LRRC34: variants seen among roughly 807,000 people sequenced by gnomAD.
LRRC34 encodes the protein leucine-rich repeat-containing protein 34.
Under a neutral mutation model 48.5 loss-of-function variants are expected in LRRC34, and 44 were observed. That is an observed-to-expected ratio of 0.91 (90% confidence interval 0.71 to 1.17). The LOEUF (loss-of-function observed/expected upper bound fraction) is 1.17, where lower values mean the gene tolerates loss of function less well. Among genes scored for constraint, LRRC34 ranks in the 50% most tolerant of loss-of-function variants. The probability of loss-of-function intolerance (pLI) is 0.00; values close to 1 mark genes in which losing one functional copy is unlikely to be tolerated. For missense variants in LRRC34, 502 were observed against 563.0 expected, an observed-to-expected ratio of 0.89 and a Z score of 1.10; for synonymous variants, 192 against 197.6, an observed-to-expected ratio of 0.97 and a Z score of 0.24.
chr3:169,807,356 A>ATG, intron 4 of LRRC34, 70 bp downstream of exon 4: 1 of 1,381,672 alleles, frequency 7.2e-7, no homozygotes, highest in East Asian at 2.3e-5. Flanking sequence ...CTAGTGTTTT[A>ATG]TGTGTGTGTC....
rs1779159231 is a variant in LRRC34, at chr3:169,800,703, T to C, written c.709A>G (p.Ile237Val). The C allele has an allele frequency of 1.3e-6, 2 of 1,535,340 alleles. No individual in the cohort carries two copies. The highest frequency in any genetic ancestry group is 1.2e-5 in the South Asian group (1 of 84,006). The part of the protein sequence containing the change: ...FATVLTQNQA[I>V]KAINLNRPIL... ...GGTCGGTTTAGGTTTATTGCCTTAA[T>C]TGCTTGGTTTTGAGTTAGTACTGTA... The change falls in exon 7 of 11, where the codon ATT becomes GTT. Residue 237 changes from isoleucine to valine, a missense_variant. Physicochemically the swap from Ile to Val is conservative, Grantham distance 29. Transcript: ENST00000446859.
intron 7 of LRRC34, among the ~76,000 whole-genome samples, chr3:169,797,610 T>A (rs980314903): frequency 2.6e-5 from 4 of 152,216 alleles, no homozygotes; most frequent in Non-Finnish European, 1.5e-5. Context: ...TGACAAGAAG[T>A]ACTCTTGCAT....
At chr3:169,810,885 T>C (rs1028834392) in intron 1 of LRRC34, among the ~76,000 whole-genome samples, 1 of 152,166 alleles carries the variant, frequency 6.6e-6, no homozygotes, top group Non-Finnish European at 1.5e-5. Context: ...GCCAATATGG[T>C]GAAACCCTAT....
rs576363713 is a variant in LRRC34 at position 169,801,603 on chromosome 3, A to T, written c.658-849T>A. On this transcript the variant is annotated intron_variant, in intron 6 of 10. Coordinates refer to ENST00000446859, the MANE Select transcript of LRRC34 (RefSeq NM_001172779.2). ...AATACAACCCCCACTTCTTCCCCTT[A>T]CCTGTGACCCACAACCCACACAACT... Among the ~76,000 whole-genome samples, 203 of 151,998 alleles carry T rather than the reference A, an allele frequency of 1.3e-3. 2 individuals carry two copies. Among genetic ancestry groups the T allele is most frequent in the Non-Finnish European group, 1.7e-3 (118 of 67,938 alleles).
chr3:169,803,747 T>C (rs191206760), intron 6 of LRRC34, among the ~76,000 whole-genome samples: 2 of 152,320 alleles, frequency 1.3e-5, no homozygotes, highest in East Asian at 3.9e-4. Flanking sequence ...TTTTCAAAAG[T>C]AAAAAATTAT....
In LRRC34 at chr3:169,796,834, CA is replaced by C; in HGVS notation, c.818del (p.Met273SerfsTer6). 1.2e-6 allele frequency: 2 copies of C among 1,611,014 alleles called. No homozygotes were observed. Among genetic ancestry groups the C allele is most frequent in the Non-Finnish European group, 1.7e-6 (2 of 1,178,772 alleles). The part of the protein sequence containing the change: ...KENHCLVALH[M>X]CKHDIKNSGI... ...CACTGTTTTTTATATCATGCTTACA[CA>C]TGTGTAGTGCAACAAGACAGTGATT... On this transcript the variant is annotated frameshift_variant, in exon 8 of 11. Transcript: ENST00000446859. LOFTEE classifies it high-confidence loss of function.
At position 169,796,219 on chromosome 3, in the gene LRRC34, A is replaced by G; in HGVS notation, c.1059T>C (p.Leu353=). 1 of 1,600,934 alleles carries G rather than the reference A, an allele frequency of 6.2e-7. No individual in the cohort carries two copies. The highest frequency in any genetic ancestry group is 1.8e-5 in the Admixed American group (1 of 55,908). ...AAATATAAAACCATACTAACGCTTT[A>G]AGACTCCTGTTGTGTGAAGTAAGAG... ...SETLTSHNRS[L]KALSVVSNNI... Residue 353 remains leucine, a synonymous_variant, in exon 9 of 11, where the codon CTT becomes CTC. Transcript: ENST00000446859.
intron 6 of LRRC34, 175 bp downstream of exon 6, chr3:169,803,878 T>C (rs950193838): frequency 4.6e-6 from 2 of 434,358 alleles, no homozygotes; most frequent in African/African-American, 4.1e-5. Context: ...TATTTTTCTA[T>C]GTTATTTACT....
intron 6 of LRRC34, among the ~76,000 whole-genome samples, chr3:169,801,494 T>C (rs916530253): frequency 1.3e-5 from 2 of 152,186 alleles, no homozygotes; most frequent in Non-Finnish European, 2.9e-5. Context: ...GAGAAACCAG[T>C]GATCTAAAAC....
chr3:169,798,711 A>AT (rs962837451), intron 7 of LRRC34, among the ~76,000 whole-genome samples: 2 of 152,210 alleles, frequency 1.3e-5, no homozygotes, highest in African/African-American at 4.8e-5. Flanking sequence ...GTGATCTCCT[A>AT]TATATAAACA....
In LRRC34 at chr3:169,796,886, A is replaced by G. The variant is rs766700734; in HGVS notation, c.767T>C (p.Val256Ala). 6.4e-7 allele frequency: 1 copy of G among 1,573,620 alleles called. No homozygotes were observed. The highest frequency in any genetic ancestry group is 1.2e-5 in the South Asian group (1 of 83,956). The change falls in exon 8 of 11, where the codon GTC becomes GCC. Residue 256 changes from valine (V) to alanine (A), a missense_variant. Physicochemically the swap from Val to Ala is moderately conservative, Grantham distance 64 (BLOSUM62 0). Transcript: ENST00000446859. ...ILYSEQEEST[V>A]HVGRMLKENH... Reference sequence around the variant, plus strand: ...TTCTTTCAACATGCGGCCTACATGGACTGTAGACTCTTCCTAAAAGTGGAT... The same window carrying G: ...TTCTTTCAACATGCGGCCTACATGGGCTGTAGACTCTTCCTAAAAGTGGAT...
Position 169,804,137 on chromosome 3 carries a change from A to T in LRRC34, c.573T>A (p.Ile191=). The T allele has an allele frequency of 6.2e-7, 1 of 1,605,600 alleles. No individual in the cohort carries two copies. The highest frequency in any genetic ancestry group is 8.5e-7 in the Non-Finnish European group (1 of 1,175,760). The change falls in exon 6 of 11, where the codon ATT becomes ATA. Residue 191 remains isoleucine (I), a synonymous_variant. Transcript: ENST00000446859. ...CAAAAAACATTCCACCTTTATTTTCAATTTTGTTTCCAGTCATTCTTAGGT... is the reference window on the plus strand; with the variant it reads ...CAAAAAACATTCCACCTTTATTTTCTATTTTGTTTCCAGTCATTCTTAGGT... ...LKYLRMTGNK[I]ENKGGMFFAA...
At chr3:169,796,092 CTA>C in intron 9 of LRRC34, 120 bp downstream of exon 9, 3 of 1,362,036 alleles carry the variant, frequency 2.2e-6, no homozygotes, top group Non-Finnish European at 2.8e-6. Flanking sequence ...TAACTTAATA[CTA>C]TGTCAGTTTA....
chr3:169,804,873 C>T (rs993502092), intron 5 of LRRC34, among the ~76,000 whole-genome samples: 8 of 152,162 alleles, frequency 5.3e-5, no homozygotes, highest in African/African-American at 1.9e-4. Flanking sequence ...CACAATATTG[C>T]ACAGTCATCA....
chr3:169,805,071 C>T (rs1273251935), intron 5 of LRRC34, among the ~76,000 whole-genome samples: 4 of 152,252 alleles, frequency 2.6e-5, no homozygotes, highest in Non-Finnish European at 4.4e-5. Context: ...ATAATTATCA[C>T]GATTCAAACC....
rs763129759 is a variant in LRRC34, at chr3:169,800,742, C to T, written c.670G>A (p.Val224Met). Residue 224 changes from valine to methionine, a missense_variant, in exon 7 of 11, where the codon GTG (valine) becomes ATG (methionine). Coordinates refer to ENST00000446859, the MANE Select transcript of LRRC34 (RefSeq NM_001172779.2). Reference sequence around the variant, plus strand: ...GTTAGTACTGTAGCAAATGCTATCACACTTTGCATTCCCTAAAAACAGGTA... The same window carrying T: ...GTTAGTACTGTAGCAAATGCTATCATACTTTGCATTCCCTAAAAACAGGTA... ...LGDCDLGMQS[V>M]IAFATVLTQN... The T allele has an allele frequency of 2.0e-6, 3 of 1,534,038 alleles. No homozygotes were observed. Among genetic ancestry groups the T allele is most frequent in the African/African-American group, 1.4e-5 (1 of 72,988 alleles).
intron 2 of LRRC34, 108 bp from the exon 3 acceptor site, chr3:169,807,817 T>C (rs527271977): frequency 1.2e-5 from 15 of 1,252,332 alleles, no homozygotes; most frequent in South Asian, 1.7e-5. Context: ...ATCACAGATA[T>C]CATTTACTGG....
Position 169,800,120 on chromosome 3 carries a change from T to C in LRRC34, c.753+539A>G, listed in dbSNP as rs147929429. Reference sequence around the variant, plus strand: ...ATACCAATAATAACATGAGTTCTTATTCTCTAGCTGTTTACAAGTGATAGG... The same window carrying C: ...ATACCAATAATAACATGAGTTCTTACTCTCTAGCTGTTTACAAGTGATAGG... On this transcript the variant is annotated intron_variant, in intron 7 of 10. Coordinates refer to ENST00000446859, the MANE Select transcript of LRRC34 (RefSeq NM_001172779.2). Among the ~76,000 whole-genome samples, 267 of 152,326 alleles carry C rather than the reference T, an allele frequency of 1.8e-3. 1 individual carries two copies. The highest frequency in any genetic ancestry group is 6.0e-3 in the African/African-American group (251 of 41,570).
chr3:169,795,522 T>C lies in LRRC34; in HGVS notation c.1154A>G (p.Tyr385Cys), dbSNP rs774186173. 5 of 1,612,536 alleles carry C rather than the reference T, an allele frequency of 3.1e-6. No homozygotes were observed. The Admixed American group carries it at 5.0e-5, about 16-fold the overall frequency. Residue 385 changes from tyrosine (Y) to cysteine (C), a missense_variant, in exon 10 of 11, where the codon TAC becomes TGC. Physicochemically the swap from Tyr to Cys is radical, Grantham distance 194. Transcript: ENST00000446859. ...CTCATCAAATTTGTTTCCCCAAATGTAGATATGAGAGAAAGTGAGATTTGT... is the reference window on the plus strand; with the variant it reads ...CTCATCAAATTTGTTTCCCCAAATGCAGATATGAGAGAAAGTGAGATTTGT... ...MKTNLTFSHI[Y>C]IWGNKFDEAT...
Sources: allele counts gnomAD v4.1 joint callset (sites outside exome capture counted in the v4.1 genomes callset), GRCh38; gene constraint gnomAD v4.1.1; transcripts MANE v1.5; gene names NCBI Gene and HGNC (gene_info 2026-07-23, HGNC 2026-07-21).